The following DLC1 variants were observed in gnomAD, a reference collection of about 807,000 sequenced individuals.
DLC1 encodes DLC1 Rho GTPase activating protein, also known as rho GTPase-activating protein 7.
Under a neutral mutation model 140.3 loss-of-function variants are expected in DLC1, and 54 were observed. The observed-to-expected ratio is 0.38, with a 90% CI of 0.31 to 0.48. The LOEUF (loss-of-function observed/expected upper bound fraction) is 0.48, where lower values mean the gene tolerates loss of function less well. Ranked by LOEUF, DLC1 falls within the 20% of genes least tolerant of loss-of-function variation. DLC1 has a pLI of 0.96. For synonymous variants in DLC1, 986 were observed against 728.1 expected (o/e 1.35, Z -5.70); for missense variants, 2,536 against 1,907.0 (o/e 1.33, Z -6.14).
intron 5 of DLC1, among the ~76,000 whole-genome samples, chr8:13,178,699 A>G (rs918058508): frequency 2.6e-5 from 4 of 151,942 alleles, no homozygotes; most frequent in African/African-American, 9.7e-5. Flanking sequence ...CGTATCCCCA[A>G]TTTATAAAGA....
chr8:13,271,775 C>T (rs1420030406), intron 5 of DLC1, among the ~76,000 whole-genome samples: 1 of 152,174 alleles, frequency 6.6e-6, no homozygotes, highest in Non-Finnish European at 1.5e-5. Context: ...ACTTTGAACT[C>T]CTGGGCTCAA....
rs749152245 is a variant in DLC1, at chr8:13,099,625, G to A, written c.2712C>T (p.Pro904=). The part of the protein sequence containing the change: ...LADLENEDIF[P]ELDDILYHVK... Reference sequence around the variant, plus strand: ...CGTGGTAGAGGATGTCGTCCAGCTCGGGGAAGATGTCCTCGTTCTCCAGAT... The same window carrying A: ...CGTGGTAGAGGATGTCGTCCAGCTCAGGGAAGATGTCCTCGTTCTCCAGAT... The change falls in exon 9 of 18, where the codon CCC becomes CCT. Residue 904 remains proline, a synonymous_variant. Coordinates refer to ENST00000276297, the MANE Select transcript of DLC1 (RefSeq NM_182643.3). The A allele has an allele frequency of 1.2e-6, 2 of 1,614,058 alleles. No individual in the cohort carries two copies. Among genetic ancestry groups the A allele is most frequent in the African/African-American group, 1.3e-5 (1 of 74,914 alleles).
At chr8:13,406,131 C>T (rs184202380) in intron 2 of DLC1, among the ~76,000 whole-genome samples, 6 of 146,248 alleles carry the variant, frequency 4.1e-5, no homozygotes, top group African/African-American at 7.6e-5. Flanking sequence ...CTCAGCCTCC[C>T]GAGTAGCTGG....
chr8:13,374,072 G>A (rs866556031), intron 4 of DLC1, among the ~76,000 whole-genome samples: 3 of 152,136 alleles, frequency 2.0e-5, no homozygotes, highest in African/African-American at 7.2e-5. Flanking sequence ...GATATTTTCT[G>A]CTTAGGAAAT....
intron 5 of DLC1, among the ~76,000 whole-genome samples, chr8:13,190,748 C>G (rs115723916): frequency 2.0e-5 from 3 of 151,892 alleles, no homozygotes; most frequent in African/African-American, 7.3e-5. Flanking sequence ...GGCGTGGGCC[C>G]GAGAGGTGAG....
chr8:13,205,314 A>AT (rs202200313), intron 5 of DLC1, among the ~76,000 whole-genome samples: 5,060 of 152,262 alleles, frequency 0.033, 286 homozygotes, highest in African/African-American at 0.12. Flanking sequence ...TATTTATATC[A>AT]TTTTTTAATT....
chr8:13,197,884 A>G (rs760325132), intron 5 of DLC1, among the ~76,000 whole-genome samples: 2 of 152,098 alleles, frequency 1.3e-5, no homozygotes, highest in African/African-American at 4.8e-5. Context: ...ATTAGTTTAA[A>G]CTTCTTTTTG....
chr8:13,248,846 G>C (rs1049852242), intron 5 of DLC1, among the ~76,000 whole-genome samples: 1 of 152,098 alleles, frequency 6.6e-6, no homozygotes, highest in Non-Finnish European at 1.5e-5. Context: ...TTGAATTAAA[G>C]CTGCAATTCA....
intron 5 of DLC1, among the ~76,000 whole-genome samples, chr8:13,221,306 A>T (rs1828536282): frequency 6.6e-6 from 1 of 152,142 alleles, no homozygotes; most frequent in African/African-American, 2.4e-5. Context: ...GCTGACAACC[A>T]GGATCCCTGC....
chr8:13,328,072 G>T (rs556132644), intron 4 of DLC1, among the ~76,000 whole-genome samples: 115 of 152,100 alleles, frequency 7.6e-4, no homozygotes, highest in Non-Finnish European at 1.4e-3. Flanking sequence ...ATGGAAAAGG[G>T]AGCACAAGAT....
chr8:13,537,873 TA>T (rs1383384404), intron 1 of DLC1, among the ~76,000 whole-genome samples: 1 of 151,922 alleles, frequency 6.6e-6, no homozygotes, highest in Non-Finnish European at 1.5e-5. Flanking sequence ...CAGGATAGTC[TA>T]CGATTTCCTG....
chr8:13,282,227 A>G (rs1205392514), intron 5 of DLC1, among the ~76,000 whole-genome samples: 3 of 152,212 alleles, frequency 2.0e-5, no homozygotes, highest in African/African-American at 4.8e-5. Flanking sequence ...GTTGCTTTGA[A>G]CATCTCTCTC....
chr8:13,516,391 C>G (rs1802586836), upstream of DLC1, among the ~76,000 whole-genome samples: 1 of 152,148 alleles, frequency 6.6e-6, no homozygotes, highest in Non-Finnish European at 1.5e-5. Context: ...TTCTCCATCC[C>G]TGTATATCAC....
chr8:13,322,916 C>G (rs1175822159), intron 4 of DLC1, among the ~76,000 whole-genome samples: 1 of 152,132 alleles, frequency 6.6e-6, no homozygotes, highest in Non-Finnish European at 1.5e-5. Flanking sequence ...TGCAGATTCC[C>G]TCTTGCACTG....
intron 1 of DLC1, among the ~76,000 whole-genome samples, chr8:13,510,109 G>A (rs1802286677): frequency 6.6e-6 from 1 of 151,506 alleles, no homozygotes; most frequent in Admixed American, 6.6e-5. Context: ...CTATGTCCAT[G>A]ATATTTCAAT....
chr8:13,355,680 A>G (rs1224310691), intron 4 of DLC1, among the ~76,000 whole-genome samples: 2 of 152,232 alleles, frequency 1.3e-5, no homozygotes, highest in Non-Finnish European at 2.9e-5. Flanking sequence ...GACCCAGTTC[A>G]TTCCATTGCA....
intron 5 of DLC1, among the ~76,000 whole-genome samples, chr8:13,171,964 G>T (rs922017987): frequency 1.3e-5 from 2 of 152,138 alleles, no homozygotes; most frequent in African/African-American, 2.4e-5. Flanking sequence ...GCAGAGCTCA[G>T]AATTAGTTAA....
chr8:13,303,230 T>C (rs900451894), intron 5 of DLC1, among the ~76,000 whole-genome samples: 1 of 152,212 alleles, frequency 6.6e-6, no homozygotes, highest in African/African-American at 2.4e-5. Context: ...AGAAGTCAGA[T>C]TTTGCTCAAA....
intron 4 of DLC1, chr8:13,339,866 CACTT>C (rs1833962430): frequency 6.6e-6 from 1 of 152,182 alleles, no homozygotes; most frequent in Non-Finnish European, 1.5e-5. Context: ...TTCATCCACT[CACTT>C]AGCAAATATT....
Sources: allele counts gnomAD v4.1 joint callset (sites outside exome capture counted in the v4.1 genomes callset), GRCh38; gene constraint gnomAD v4.1.1; transcripts MANE v1.5; gene names NCBI Gene and HGNC (gene_info 2026-07-23, HGNC 2026-07-21).